MYLK: variants seen among roughly 807,000 people sequenced by gnomAD.
MYLK encodes the protein myosin light chain kinase, smooth muscle.
Under a neutral mutation model 203.4 loss-of-function variants are expected in MYLK, and 106 were observed. That is an observed-to-expected ratio of 0.52 (90% confidence interval 0.45 to 0.61). MYLK has a LOEUF of 0.61. MYLK is among the 20% of genes least tolerant of loss of function. The probability of loss-of-function intolerance (pLI) is 0.00; values close to 1 mark genes in which losing one functional copy is unlikely to be tolerated. For synonymous variants in MYLK, 867 were observed against 959.5 expected (o/e 0.90, Z 1.78); for missense variants, 2,072 against 2,442.3 (o/e 0.85, Z 3.20).
intron 2 of MYLK, among the ~76,000 whole-genome samples, chr3:123,851,103 T>C (rs1252772224): frequency 1.3e-5 from 2 of 152,236 alleles, no homozygotes; most frequent in Admixed American, 6.5e-5. Flanking sequence ...CATTGGTCTA[T>C]ATCTCTGTTT....
Position 123,620,503 on chromosome 3 carries a change from C to T in MYLK, c.5239-167G>A, listed in dbSNP as rs1050924144. 5 of 1,505,450 alleles carry T rather than the reference C, an allele frequency of 3.3e-6. No individual in the cohort carries two copies. In the Admixed American group the frequency reaches 8.2e-5, roughly 25 times the overall value. 93.3% of individuals were successfully genotyped at this position (1,505,450 alleles called of 1,614,324 possible). ...CCAGAGGAGCGAACCCAACCTTGCT[C>T]TGCTCAGCACTGTCAGTGTGTCAGA... On this transcript the variant is annotated intron_variant, in intron 31 of 33. Coordinates refer to ENST00000360304, the MANE Select transcript of MYLK (RefSeq NM_053025.4).
intron 2 of MYLK, among the ~76,000 whole-genome samples, chr3:123,865,889 T>A (rs953132072): frequency 1.3e-5 from 2 of 152,176 alleles, no homozygotes; most frequent in South Asian, 4.1e-4. Context: ...CTGGCTCTCA[T>A]GGAATGCTCC....
At chr3:123,851,839 G>C (rs1239431839) in intron 2 of MYLK, among the ~76,000 whole-genome samples, 1 of 152,114 alleles carries the variant, frequency 6.6e-6, no homozygotes, top group Non-Finnish European at 1.5e-5. Context: ...CAAAAGGAAT[G>C]CTTCCAGTTT....
intron 13 of MYLK, among the ~76,000 whole-genome samples, chr3:123,718,435 A>G (rs1363805379): frequency 1.3e-5 from 2 of 152,204 alleles, no homozygotes; most frequent in Non-Finnish European, 2.9e-5. Context: ...ATTTTCACGG[A>G]GTAAATTGTT....
chr3:123,640,974 A>G lies in MYLK; in HGVS notation c.4620-470T>C, dbSNP rs1359672090. On this transcript the variant is annotated intron_variant, in intron 27 of 33. Coordinates refer to ENST00000360304, the MANE Select transcript of MYLK (RefSeq NM_053025.4). This position sits in a 1 kb window ranked among gnomAD's most constrained non-coding sequence, Gnocchi z 4.3. ...AGCCAGGAACGGAAAAATATCTTCAATCATCAATAATGAGCCTCAGCAAAT... is the reference window on the plus strand; with the variant it reads ...AGCCAGGAACGGAAAAATATCTTCAGTCATCAATAATGAGCCTCAGCAAAT... Among the ~76,000 whole-genome samples the G allele has an allele frequency of 1.3e-5, 2 of 152,216 alleles. No individual in the cohort carries two copies. The highest frequency in any genetic ancestry group is 4.8e-5 in the African/African-American group (2 of 41,446).
At chr3:123,811,497 A>C (rs907447622) in intron 3 of MYLK, among the ~76,000 whole-genome samples, 1 of 152,148 alleles carries the variant, frequency 6.6e-6, no homozygotes, top group Non-Finnish European at 1.5e-5. Context: ...TTAAAAAGCT[A>C]ATGGGGCATT....
intron 15 of MYLK, 44 bp downstream of exon 15, chr3:123,708,654 C>T: frequency 1.2e-6 from 2 of 1,610,422 alleles, no homozygotes; most frequent in East Asian, 2.2e-5. Flanking sequence ...GGAGGGGCTG[C>T]AGCAGCATCT....
At chr3:123,732,765 G>C in intron 11 of MYLK, 131 bp downstream of exon 11, 1 of 861,458 alleles carries the variant, frequency 1.2e-6, no homozygotes, top group Non-Finnish European at 1.9e-6. Context: ...CATGTGATTG[G>C]GGGTGACATT....
At chr3:123,858,007 T>C (rs914352165) in intron 2 of MYLK, among the ~76,000 whole-genome samples, 5 of 152,168 alleles carry the variant, frequency 3.3e-5, no homozygotes, top group African/African-American at 1.2e-4. Context: ...ACGGGCATAA[T>C]GTAAACCGAA....
intron 4 of MYLK, among the ~76,000 whole-genome samples, chr3:123,780,967 A>C (rs75258799): frequency 0.061 from 9,222 of 152,238 alleles, 915 homozygotes; most frequent in African/African-American, 0.21. Context: ...ACTGGCAAGG[A>C]AAAGTGGGAT....
At chr3:123,649,232 T>C in intron 24 of MYLK, 38 bp from the exon 25 acceptor site, 1 of 1,611,268 alleles carries the variant, frequency 6.2e-7, no homozygotes, top group East Asian at 2.2e-5. Context: ...AGGACACAGG[T>C]GATTAGTACT....
intron 4 of MYLK, among the ~76,000 whole-genome samples, chr3:123,778,478 A>T (rs1473003045): frequency 6.9e-6 from 1 of 145,798 alleles, no homozygotes; most frequent in East Asian, 2.0e-4. Context: ...GCGCCACTGT[A>T]CCCCAGCCTG....
At chr3:123,637,951 G>T in intron 29 of MYLK, 120 bp downstream of exon 29, 7 of 1,468,216 alleles carry the variant, frequency 4.8e-6, no homozygotes, top group Non-Finnish European at 5.6e-6. Flanking sequence ...CCTGACTCTG[G>T]GGGGGGCTCC....
rs2058800800 is a variant in MYLK at position 123,640,647 on chromosome 3, C to T, written c.4620-143G>A. 1.2e-6 allele frequency: 1 copy of T among 845,348 alleles called. No individual in the cohort carries two copies. Among genetic ancestry groups the T allele is most frequent in the Non-Finnish European group, 1.9e-6 (1 of 514,212 alleles). 52.4% of individuals were successfully genotyped at this position (845,348 alleles called of 1,614,324 possible). ...GGGGTGATGGGCAATTCCTGAATCC[C>T]CACCCTCCGACATGGGAGAAGGGTC... On this transcript the variant is annotated intron_variant, in intron 27 of 33. Coordinates refer to ENST00000360304, the MANE Select transcript of MYLK (RefSeq NM_053025.4). The surrounding 1 kb of genome is among the most constrained non-coding windows in gnomAD (Gnocchi z 4.3).
chr3:123,687,570 CCCTT>C (rs1007256791), intron 19 of MYLK, among the ~76,000 whole-genome samples: 2 of 150,832 alleles, frequency 1.3e-5, no homozygotes, highest in Admixed American at 6.6e-5. Context: ...CAGCACCTGA[CCCTT>C]CCTTCCTTCC....
chr3:123,610,105 C>G lies in MYLK; in HGVS notation c.*4000G>C, dbSNP rs1002036199. 6.6e-6 allele frequency: 1 copy of G among 152,200 alleles called. No homozygotes were observed. Among genetic ancestry groups the G allele is most frequent in the African/African-American group, 2.4e-5 (1 of 41,442 alleles). The allele number at this position is 152,200 out of a possible 1,614,324, so 9.4% of individuals were successfully genotyped here. ...TTGATGAAACTATAGACCATACTCT[C>G]TAGACTTTCACACAAGCTTTTCAGT... On this transcript the variant is annotated 3_prime_UTR_variant, in exon 34 of 34. Coordinates refer to ENST00000360304, the MANE Select transcript of MYLK (RefSeq NM_053025.4).
intron 23 of MYLK, among the ~76,000 whole-genome samples, chr3:123,660,622 A>C (rs1381799584): frequency 6.6e-6 from 1 of 152,228 alleles, no homozygotes; most frequent in Non-Finnish European, 1.5e-5. Flanking sequence ...GGGAAAGGCT[A>C]GTTTTTATTA....
Position 123,614,031 on chromosome 3 carries a change from T to A in MYLK, c.*74A>T. 4 of 1,491,516 alleles carry A rather than the reference T, an allele frequency of 2.7e-6. No individual in the cohort carries two copies. The highest frequency in any genetic ancestry group is 2.7e-6 in the Non-Finnish European group (3 of 1,103,436). 92.4% of individuals were successfully genotyped at this position (1,491,516 alleles called of 1,614,324 possible). ...CTAGGTGCTTTTACTATCTTGAGTT[T>A]TTTTTTTTTTTTTGAGTTTTAGAGA... On this transcript the variant is annotated 3_prime_UTR_variant, in exon 34 of 34. Coordinates refer to ENST00000360304, the MANE Select transcript of MYLK (RefSeq NM_053025.4).
chr3:123,636,385 A>G (rs1258386889), intron 29 of MYLK, among the ~76,000 whole-genome samples: 4 of 152,232 alleles, frequency 2.6e-5, no homozygotes, highest in African/African-American at 9.6e-5. Flanking sequence ...ACAAGGTCCT[A>G]TGTGAAAATC....
Sources: allele counts gnomAD v4.1 joint callset (sites outside exome capture counted in the v4.1 genomes callset), GRCh38; gene constraint gnomAD v4.1.1; non-coding constraint Gnocchi (gnomAD v3.1); transcripts MANE v1.5; gene names NCBI Gene and HGNC (gene_info 2026-07-23, HGNC 2026-07-21).